PCA3: variants seen among roughly 807,000 people sequenced by gnomAD.
PCA3 encodes the protein Differential Display code 3.
chr9:76,773,708 T>C (rs1267503345), intron 2 of PCA3, among the ~76,000 whole-genome samples: 1 of 152,138 alleles, frequency 6.6e-6, no homozygotes, highest in Non-Finnish European at 1.5e-5. Flanking sequence ...CCTCCCAAAG[T>C]GCTGGGATTA....
chr9:76,780,667 G>A (rs938521570), intron 2 of PCA3, among the ~76,000 whole-genome samples: 2 of 152,114 alleles, frequency 1.3e-5, no homozygotes, highest in African/African-American at 4.8e-5. Flanking sequence ...CTCCAGCCTG[G>A]GCGACAGAGC....
chr9:76,768,216 G>A (rs2052642142), intron 2 of PCA3, among the ~76,000 whole-genome samples: 1 of 150,884 alleles, frequency 6.6e-6, no homozygotes, highest in African/African-American at 2.4e-5. Flanking sequence ...TTTTTGAGAT[G>A]GATTCTCGCT....
At chr9:76,780,621 G>A (rs2054278878) in intron 2 of PCA3, among the ~76,000 whole-genome samples, 1 of 152,180 alleles carries the variant, frequency 6.6e-6, no homozygotes, top group Non-Finnish European at 1.5e-5. Context: ...AACCCAGGAG[G>A]CAGAGCTTGC....
intron 2 of PCA3, among the ~76,000 whole-genome samples, chr9:76,770,442 G>A (rs1589127614): frequency 2.0e-5 from 3 of 151,918 alleles, no homozygotes; most frequent in African/African-American, 7.3e-5. Context: ...ATATGTTAAT[G>A]GCTTTTTCAA....
At chr9:76,769,280 A>T (rs1305316624) in intron 2 of PCA3, among the ~76,000 whole-genome samples, 1 of 152,218 alleles carries the variant, frequency 6.6e-6, no homozygotes, top group Non-Finnish European at 1.5e-5. Context: ...TTACTTCAAT[A>T]CACTGGGGAC....
intron 2 of PCA3, among the ~76,000 whole-genome samples, chr9:76,771,545 T>C (rs1275154374): frequency 6.6e-6 from 1 of 152,036 alleles, no homozygotes; most frequent in Non-Finnish European, 1.5e-5. Flanking sequence ...GGGTCAGGGA[T>C]TGCTGGAGTG....
At chr9:76,767,132 T>C (rs756829194) in intron 2 of PCA3, among the ~76,000 whole-genome samples, 3 of 152,192 alleles carry the variant, frequency 2.0e-5, no homozygotes, top group East Asian at 1.9e-4. Context: ...GAAACTATTG[T>C]TGGCAGTCAC....
At chr9:76,784,768 C>T (rs1194228313) in intron 2 of PCA3, 5 of 152,286 alleles carry the variant, frequency 3.3e-5, no homozygotes, top group Non-Finnish European at 7.3e-5. Flanking sequence ...CAGGGTTATA[C>T]TTACTAGCAC....
At chr9:76,766,481 C>T (rs565983726) in intron 2 of PCA3, among the ~76,000 whole-genome samples, 2 of 152,178 alleles carry the variant, frequency 1.3e-5, no homozygotes, top group African/African-American at 2.4e-5. Flanking sequence ...TTAGATTCTG[C>T]ATCTGAACCA....
At chr9:76,773,779 G>A (rs1564270551) in intron 2 of PCA3, among the ~76,000 whole-genome samples, 1 of 152,088 alleles carries the variant, frequency 6.6e-6, no homozygotes, top group African/African-American at 2.4e-5. Flanking sequence ...ATGTAAGAAT[G>A]TTTTTTTCCC....
intron 2 of PCA3, among the ~76,000 whole-genome samples, chr9:76,768,577 A>ATGTGTG (rs879821167): frequency 4.0e-3 from 391 of 98,120 alleles, no homozygotes; most frequent in African/African-American, 0.012. Context: ...ATATATATGT[A>ATGTGTG]TATGTATGTG....
chr9:76,774,469 T>TATTTATTTATTTATTTATTTATTTA (rs1172601108), intron 2 of PCA3, among the ~76,000 whole-genome samples: 1 of 140,088 alleles, frequency 7.1e-6, no homozygotes, highest in African/African-American at 2.7e-5. Context: ...TTTTTTTTTT[T>TATTTATTTATTTATTTATTTATTTA]TTTTTTTTGA....
At chr9:76,778,714 G>A (rs1255597092) in intron 2 of PCA3, 2 of 152,146 alleles carry the variant, frequency 1.3e-5, no homozygotes, top group African/African-American at 4.8e-5. Flanking sequence ...TACTTCACTG[G>A]GTTATTTGAA....
At chr9:76,786,341 C>T (rs2054976862) in intron 2 of PCA3, 1 of 152,208 alleles carries the variant, frequency 6.6e-6, no homozygotes, top group Non-Finnish European at 1.5e-5. Context: ...TAGATTTAAG[C>T]TCACACTGGT....
chr9:76,774,453 T>TATTTATTTATTTA lies in PCA3; in HGVS notation n.853-34130_853-34129insATTTATTTATTTA, dbSNP rs370472844. On this transcript the variant is annotated intron_variant and non_coding_transcript_variant, in intron 2 of 5. Coordinates refer to ENST00000644657, the Ensembl canonical transcript of PCA3. ...GTTCCTGGCCTCCAGTTCAACCCTT[T>TATTTATTTATTTA]TTTTTTTTTTTTTTTTTTTTTTTTG... 1.1e-4 allele frequency among the ~76,000 whole-genome samples: 13 copies of TATTTATTTATTTA among 122,308 alleles called. No individual in the cohort carries two copies. In the South Asian group the frequency reaches 1.2e-3, roughly 11 times the overall value. 80.2% of individuals were successfully genotyped at this position (122,308 alleles called of 152,430 possible). A position where few individuals can be genotyped will look rare whatever the true frequency, so the allele number is the denominator to read the frequency against.
At chr9:76,787,265 T>TTTA (rs138034175) in intron 2 of PCA3, 1 of 152,000 alleles carries the variant, frequency 6.6e-6, no homozygotes, top group Admixed American at 6.5e-5. Flanking sequence ...TTTTATTCTC[T>TTTA]TTATTATTAT....
At chr9:76,767,820 G>A (rs530644163) in intron 2 of PCA3, among the ~76,000 whole-genome samples, 1 of 152,138 alleles carries the variant, frequency 6.6e-6, no homozygotes, top group African/African-American at 2.4e-5. Flanking sequence ...TCTTCTATCC[G>A]AACACTGTCC....
At position 76,783,287 on chromosome 9, in the gene PCA3, C is replaced by T. The variant is rs189799429; in HGVS notation, n.853-25296C>T. On this transcript the variant is annotated intron_variant and non_coding_transcript_variant, in intron 2 of 5. Transcript: ENST00000644657. ...AAGTAGCTGGGATTACAGGCATGCA[C>T]CAGCACGCCCAGCTAATTTTTGTAT... 9.9e-4 allele frequency among the ~76,000 whole-genome samples: 151 copies of T among 152,292 alleles called. 1 individual carries two copies. Among genetic ancestry groups the T allele is most frequent in the South Asian group, 1.7e-3 (8 of 4,828 alleles).
At chr9:76,785,329 A>G (rs1456364407) in intron 2 of PCA3, 1 of 152,214 alleles carries the variant, frequency 6.6e-6, no homozygotes. Context: ...AGCAAATACT[A>G]AAAGTGTAAT....
Sources: gnomAD v4.1 joint callset for allele counts (sites outside exome capture counted in the v4.1 genomes callset) on GRCh38, gnomAD v4.1.1 for gene constraint, MANE v1.5 for transcripts, NCBI Gene and HGNC (gene_info 2026-07-23, HGNC 2026-07-21) for gene names.